The following SGTA variants were observed in gnomAD, a reference collection of about 807,000 sequenced individuals.
SGTA encodes the protein small glutamine-rich tetratricopeptide repeat-containing protein alpha.
Under a neutral mutation model 44.3 loss-of-function variants are expected in SGTA, and 22 were observed. That is an observed-to-expected ratio of 0.50 (90% CI 0.36 to 0.71). The LOEUF is 0.71. SGTA is among the 30% of genes least tolerant of loss of function. The pLI is 0.00. For missense variants in SGTA, 341 were observed against 435.9 expected, an observed-to-expected ratio of 0.78 and a Z score of 1.94; for synonymous variants, 174 against 177.6, an observed-to-expected ratio of 0.98 and a Z score of 0.16.
rs984399732 is a variant in SGTA at position 2,767,308 on chromosome 19, GCCA to G, written c.208-91_208-89del. 1.5e-5 allele frequency: 16 copies of G among 1,080,696 alleles called. No homozygotes were observed. Among genetic ancestry groups the G allele is most frequent in the African/African-American group, 3.1e-5 (2 of 63,992 alleles). The allele number at this position is 1,080,696 out of a possible 1,614,324, so 66.9% of individuals were successfully genotyped here. A position where few individuals can be genotyped will look rare whatever the true frequency, so the allele number is the denominator to read the frequency against. ...AGCTTCCCTCGGGACGCCAGAGAGG[GCCA>G]CCAAGTTCCGAAGGACCCGGGGGCT... is the stretch of plus-strand genomic sequence containing the variant. On this transcript the variant is annotated intron_variant, in intron 3 of 11. Coordinates refer to ENST00000221566, the MANE Select transcript of SGTA (RefSeq NM_003021.4). The surrounding 1 kb of genome is among the most constrained non-coding windows in gnomAD (Gnocchi z 7.3).
intron 1 of SGTA, among the ~76,000 whole-genome samples, chr19:2,771,153 T>C (rs1282444035): frequency 1.3e-5 from 2 of 152,192 alleles, no homozygotes; most frequent in Non-Finnish European, 2.9e-5. Context: ...CTGCCAGGCG[T>C]GGTGGCTCAC....
rs186892404 is a variant in SGTA, at chr19:2,759,289, C to T, written c.705G>A (p.Ser235=). 9.5e-4 allele frequency: 1,529 copies of T among 1,613,994 alleles called. 26 individuals are homozygous for T. In the Admixed American group the frequency reaches 0.021, roughly 22 times the overall value. The change falls in exon 9 of 12, where the codon TCG becomes TCA. Residue 235 remains serine (S), a synonymous_variant. Transcript: ENST00000221566. ...LNNPGFMSMA[S]NLMNNPQIQQ... The stretch of plus-strand genomic sequence containing the variant: ...GAATCTGGGGATTGTTCATTAGGTT[C>T]GAAGCCTGAAGAACAGAACAAATTT...
intron 4 of SGTA, among the ~76,000 whole-genome samples, chr19:2,766,683 G>T (rs12232847): frequency 6.6e-6 from 1 of 152,002 alleles, no homozygotes; most frequent in Admixed American, 6.6e-5. Context: ...CAATCTGCCC[G>T]CCTCGGCCTC....
intron 7 of SGTA, among the ~76,000 whole-genome samples, chr19:2,762,072 C>T (rs1039644179): frequency 6.6e-6 from 1 of 152,126 alleles, no homozygotes; most frequent in African/African-American, 2.4e-5. Flanking sequence ...CAAACTAACC[C>T]AGAACCCACA....
chr19:2,758,537 G>GA (rs777859765), intron 9 of SGTA, among the ~76,000 whole-genome samples: 1 of 150,760 alleles, frequency 6.6e-6, no homozygotes, highest in South Asian at 2.1e-4. Flanking sequence ...AAAGGAGAAA[G>GA]AAAAAAAGAT....
In SGTA at chr19:2,765,149, C is replaced by T. The variant is rs758742348; in HGVS notation, c.392+37G>A. Reference sequence around the variant, plus strand: ...GCATCCCGGAGGACGCCCCCGCACCCGGCCGCCCCTGCCCTGGGCAGGCCC... The same window carrying T: ...GCATCCCGGAGGACGCCCCCGCACCTGGCCGCCCCTGCCCTGGGCAGGCCC... On this transcript the variant is annotated intron_variant, in intron 5 of 11. Transcript: ENST00000221566. The surrounding 1 kb of genome is among the most constrained non-coding windows in gnomAD (Gnocchi z 5.5). 8.5e-6 allele frequency: 13 copies of T among 1,523,534 alleles called. No individual in the cohort carries two copies. The highest frequency in any genetic ancestry group is 3.4e-5 in the South Asian group (3 of 88,974). The allele number at this position is 1,523,534 out of a possible 1,614,324, so 94.4% of individuals were successfully genotyped here.
intron 1 of SGTA, among the ~76,000 whole-genome samples, chr19:2,778,554 C>T (rs1195583900): frequency 1.3e-5 from 2 of 151,688 alleles, no homozygotes; most frequent in Non-Finnish European, 2.9e-5. Flanking sequence ...AGGGTCTCCA[C>T]CCTACCCCAT....
At chr19:2,771,464 A>G (rs1323522206) in intron 1 of SGTA, among the ~76,000 whole-genome samples, 1 of 151,188 alleles carries the variant, frequency 6.6e-6, no homozygotes, top group South Asian at 2.1e-4. Context: ...GTCTCGTGGC[A>G]TAGACCTCGG....
In SGTA at chr19:2,763,624, G is replaced by C. The variant is rs1478807050; in HGVS notation, c.497+29C>G. The stretch of plus-strand genomic sequence containing the variant: ...GGAGAGGAGGGGTCCCGAGAGACTG[G>C]AAAGGCGCGGCCGTGGACAGGCACT... On this transcript the variant is annotated intron_variant, in intron 6 of 11. Coordinates refer to ENST00000221566, the MANE Select transcript of SGTA (RefSeq NM_003021.4). This position sits in a 1 kb window ranked among gnomAD's most constrained non-coding sequence, Gnocchi z 5.8. The C allele has an allele frequency of 3.9e-6, 6 of 1,528,116 alleles. No homozygotes were observed. The South Asian group carries it at 6.8e-5, about 17-fold the overall frequency. The allele number at this position is 1,528,116 out of a possible 1,614,324, so 94.7% of individuals were successfully genotyped here.
intron 1 of SGTA, among the ~76,000 whole-genome samples, chr19:2,779,921 C>CT (rs983211774): frequency 2.6e-5 from 4 of 150,994 alleles, no homozygotes; most frequent in Admixed American, 2.6e-4. Flanking sequence ...AAAAGAGACT[C>CT]TAAAAAAAAA....
intron 8 of SGTA, among the ~76,000 whole-genome samples, chr19:2,760,077 G>A (rs1280395335): frequency 1.3e-5 from 2 of 152,206 alleles, no homozygotes; most frequent in African/African-American, 2.4e-5. Context: ...GCTCAGAGGT[G>A]TGGCAAACTC....
At chr19:2,774,058 C>G (rs1915385062) in intron 1 of SGTA, among the ~76,000 whole-genome samples, 1 of 152,204 alleles carries the variant, frequency 6.6e-6, no homozygotes, top group African/African-American at 2.4e-5. Context: ...AGGAACGAGC[C>G]CCGACAGAAC....
rs1915030692 is a variant in SGTA at position 2,762,647 on chromosome 19, G to A, written c.498-3C>T. The A allele has an allele frequency of 1.2e-6, 2 of 1,613,704 alleles. No individual in the cohort carries two copies. Among genetic ancestry groups the A allele is most frequent in the Non-Finnish European group, 1.7e-6 (2 of 1,179,976 alleles). On this transcript the variant is annotated splice_region_variant and splice_polypyrimidine_tract_variant and intron_variant, in intron 6 of 11. Coordinates refer to ENST00000221566, the MANE Select transcript of SGTA (RefSeq NM_003021.4). ...TGTTGAGGCTGGAGAGCGCCAGGCT[G>A]GAGGAGAGCACCGGGGATGGACTGT...
chr19:2,757,198 CACCCAGG>C, intron 11 of SGTA, 132 bp downstream of exon 11: 5 of 1,087,310 alleles, frequency 4.6e-6, no homozygotes, highest in Non-Finnish European at 6.5e-6. Context: ...GAGCTGGATG[CACCCAGG>C]ACTCGCTGTC....
chr19:2,754,767 G>C lies in SGTA; in HGVS notation c.*1173C>G, dbSNP rs1914769968. 6.6e-6 allele frequency: 1 copy of C among 152,284 alleles called. No individual in the cohort carries two copies. The highest frequency in any genetic ancestry group is 1.5e-5 in the Non-Finnish European group (1 of 68,156). The allele number at this position is 152,284 out of a possible 1,614,324, so 9.4% of individuals were successfully genotyped here. On this transcript the variant is annotated 3_prime_UTR_variant, in exon 12 of 12. Transcript: ENST00000221566. This position sits in a 1 kb window ranked among gnomAD's most constrained non-coding sequence, Gnocchi z 4.4. The stretch of plus-strand genomic sequence containing the variant: ...CACGTCACGCCCTGCACCCCGGGTG[G>C]GCTTGGCACACACCTCACCGCCATG...
Position 2,765,087 on chromosome 19 carries a change from C to T in SGTA, c.392+99G>A. ...CACCGGTGAATGGATCCCTCATCTA[C>T]AGCGCAGAGGCCTCTCCCATCTCAG... On this transcript the variant is annotated intron_variant, in intron 5 of 11. Transcript: ENST00000221566. The surrounding 1 kb of genome is among the most constrained non-coding windows in gnomAD (Gnocchi z 5.5). The T allele has an allele frequency of 1.3e-6, 1 of 794,402 alleles. No homozygotes were observed. The allele number at this position is 794,402 out of a possible 1,614,324, so 49.2% of individuals were successfully genotyped here. A position where few individuals can be genotyped will look rare whatever the true frequency, so the allele number is the denominator to read the frequency against.
At chr19:2,782,916 A>T (rs1224517388) in intron 1 of SGTA, among the ~76,000 whole-genome samples, 1 of 152,210 alleles carries the variant, frequency 6.6e-6, no homozygotes, top group African/African-American at 2.4e-5. Flanking sequence ...CAGGCGGTTA[A>T]TAAGAGCGGA....
In SGTA at chr19:2,755,529, A is replaced by G; in HGVS notation, c.*411T>C. The G allele has an allele frequency of 1.0e-6, 1 of 986,356 alleles. No homozygotes were observed. Among genetic ancestry groups the G allele is most frequent in the Non-Finnish European group, 1.2e-6 (1 of 829,958 alleles). 61.1% of individuals were successfully genotyped at this position (986,356 alleles called of 1,614,324 possible). A position where few individuals can be genotyped will look rare whatever the true frequency, so the allele number is the denominator to read the frequency against. On this transcript the variant is annotated 3_prime_UTR_variant, in exon 12 of 12. Coordinates refer to ENST00000221566, the MANE Select transcript of SGTA (RefSeq NM_003021.4). The surrounding 1 kb of genome is among the most constrained non-coding windows in gnomAD (Gnocchi z 5.2). ...CTCACAGACGGGAGAGTTCCTGCAG[A>G]CAGACCACGGGATGGGGGGCGGGGG...
intron 1 of SGTA, chr19:2,782,533 G>A (rs1468903949): frequency 6.6e-6 from 1 of 152,184 alleles, no homozygotes; most frequent in African/African-American, 2.4e-5. Context: ...GTTTGCGAAA[G>A]AAGGAACAGT....
Sources: gnomAD v4.1 joint callset for allele counts (sites outside exome capture counted in the v4.1 genomes callset) on GRCh38, gnomAD v4.1.1 for gene constraint, Gnocchi (gnomAD v3.1) non-coding constraint, MANE v1.5 for transcripts, NCBI Gene and HGNC (gene_info 2026-07-23, HGNC 2026-07-21) for gene names.